Variants in ADCY8 observed in about 807,000 individuals in gnomAD.
ADCY8 encodes the protein adenylate cyclase 8, also known as adenylate cyclase type 8.
A neutral mutation model predicts 119.7 loss-of-function variants in ADCY8; 51 were observed. The observed-to-expected ratio is 0.43, with a 90% confidence interval of 0.34 to 0.54. The LOEUF is 0.54. ADCY8 is among the 20% of genes least tolerant of loss of function. ADCY8 has a pLI of 0.03. For missense variants in ADCY8, 1,383 were observed against 1,598.8 expected, an observed-to-expected ratio of 0.87 and a Z score of 2.30; for synonymous variants, 665 against 651.0, an observed-to-expected ratio of 1.02 and a Z score of -0.33.
rs1445259564 is a variant in ADCY8, at chr8:130,977,338, T to C, written c.1110+13055A>G. On this transcript the variant is annotated intron_variant, in intron 2 of 17. Coordinates refer to ENST00000286355, the MANE Select transcript of ADCY8 (RefSeq NM_001115.3). The stretch of plus-strand genomic sequence containing the variant: ...AATATCAGAATCAACAGAGCTTACT[T>C]GGACAATACTTGTAATACTCATTCA... 2.0e-5 allele frequency among the ~76,000 whole-genome samples: 3 copies of C among 152,250 alleles called. No homozygotes were observed. The East Asian group carries it at 5.8e-4, about 29-fold the overall frequency.
chr8:131,035,330 G>A (rs754884539), intron 1 of ADCY8, among the ~76,000 whole-genome samples: 15 of 152,096 alleles, frequency 9.9e-5, no homozygotes, highest in Non-Finnish European at 1.3e-4. Context: ...AAAGTTTCTC[G>A]GTCTTTCCGA....
At chr8:130,869,152 C>A (rs1231267773) in intron 8 of ADCY8, among the ~76,000 whole-genome samples, 2 of 152,176 alleles carry the variant, frequency 1.3e-5, no homozygotes, top group African/African-American at 2.4e-5. Flanking sequence ...ACAGTTATTG[C>A]TTTTGCAGGG....
intron 11 of ADCY8, among the ~76,000 whole-genome samples, chr8:130,842,461 T>C (rs1006742495): frequency 6.6e-6 from 1 of 152,218 alleles, no homozygotes; most frequent in African/African-American, 2.4e-5. Flanking sequence ...ACTGCTTTTA[T>C]TTTATTATTT....
chr8:130,848,764 T>A (rs993935150), intron 10 of ADCY8, among the ~76,000 whole-genome samples: 1 of 152,192 alleles, frequency 6.6e-6, no homozygotes, highest in Non-Finnish European at 1.5e-5. Context: ...GCCTGAGTCA[T>A]GGACAACACA....
At chr8:130,901,780 T>C (rs185623515) in intron 7 of ADCY8, among the ~76,000 whole-genome samples, 135 of 152,210 alleles carry the variant, frequency 8.9e-4, no homozygotes, top group Non-Finnish European at 1.4e-3. Flanking sequence ...TCAAAATGAA[T>C]TCAGATTTTT....
At position 131,040,282 on chromosome 8, in the gene ADCY8, T is replaced by C. The variant is rs750563461; in HGVS notation, c.52A>G (p.Ile18Val). ...TCGCCGGCCGGGGGCGTCGGGTGGA[T>C]GGTGTAGAGTTCCTCGCTGCCTGTA... ...CLTGSEELYT[I>V]HPTPPAGDGR... Residue 18 changes from isoleucine (I) to valine (V), a missense_variant, in exon 1 of 18, where the codon ATC becomes GTC. Ile to Val is a conservative substitution (Grantham distance 29). Around this residue, in one of 2 missense-constraint regions of ADCY8, gnomAD observed 455 missense variants for 435.3 expected, o/e 1.05. Transcript: ENST00000286355. The C allele has an allele frequency of 1.7e-5, 26 of 1,560,794 alleles. No homozygotes were observed. Among genetic ancestry groups the C allele is most frequent in the Non-Finnish European group, 2.2e-5 (25 of 1,159,430 alleles).
intron 14 of ADCY8, among the ~76,000 whole-genome samples, chr8:130,804,832 C>T (rs1410288143): frequency 6.6e-6 from 1 of 152,162 alleles, no homozygotes; most frequent in Non-Finnish European, 1.5e-5. Context: ...CTGCAACCTC[C>T]ACCTCCTGGG....
chr8:130,842,469 T>A (rs1262225171), intron 11 of ADCY8, among the ~76,000 whole-genome samples: 2 of 152,206 alleles, frequency 1.3e-5, no homozygotes, highest in Non-Finnish European at 2.9e-5. Flanking sequence ...TATTTTATTA[T>A]TTTTTAATTT....
intron 1 of ADCY8, among the ~76,000 whole-genome samples, chr8:131,009,685 T>C (rs551740103): frequency 1.3e-5 from 2 of 152,232 alleles, no homozygotes; most frequent in African/African-American, 4.8e-5. Context: ...AACTATACTA[T>C]GCTGTAAAGA....
Position 131,040,314 on chromosome 8 carries a change from C to A in ADCY8, c.20G>T (p.Arg7Leu), listed in dbSNP as rs866174887. The change falls in exon 1 of 18, where the codon CGC becomes CTC. Residue 7 changes from arginine (R) to leucine (L), a missense_variant. Physicochemically the swap from Arg to Leu is moderately radical, Grantham distance 102. Transcript: ENST00000286355. MELSDV[R>L]CLTGSEELYT... is the part of the protein sequence containing the mutation. ...GAGTTCCTCGCTGCCTGTAAGGCAG[C>A]GCACATCGGAGAGCTCCATGGCTCT... The A allele has an allele frequency of 6.5e-7, 1 of 1,535,186 alleles. No individual in the cohort carries two copies.
At chr8:131,019,843 G>GTCTCTCTCTCTCTCTC (rs71306306) in intron 1 of ADCY8, among the ~76,000 whole-genome samples, 1 of 86,884 alleles carries the variant, frequency 1.2e-5, no homozygotes, top group Non-Finnish European at 2.3e-5. Flanking sequence ...CTCTCTGTCT[G>GTCTCTCTCTCTCTCTC]TCTCTCTCTC....
intron 14 of ADCY8, among the ~76,000 whole-genome samples, chr8:130,801,199 C>T (rs1484167109): frequency 6.6e-6 from 1 of 152,120 alleles, no homozygotes; most frequent in Non-Finnish European, 1.5e-5. Context: ...TCTTGGTAAG[C>T]TTCCTTTTCT....
chr8:130,898,593 G>T (rs1563719350), intron 7 of ADCY8, among the ~76,000 whole-genome samples: 2 of 152,172 alleles, frequency 1.3e-5, no homozygotes, highest in African/African-American at 4.8e-5. Flanking sequence ...ACAGAAACAT[G>T]CCTGGATTCT....
intron 2 of ADCY8, among the ~76,000 whole-genome samples, chr8:130,968,320 C>T (rs1368588917): frequency 6.6e-6 from 1 of 152,090 alleles, no homozygotes; most frequent in Non-Finnish European, 1.5e-5. Flanking sequence ...CAGGCGCCCA[C>T]CACCATGCCT....
chr8:130,924,615 T>C (rs1270670220), intron 5 of ADCY8, among the ~76,000 whole-genome samples: 1 of 152,120 alleles, frequency 6.6e-6, no homozygotes, highest in Non-Finnish European at 1.5e-5. Flanking sequence ...CACCGTACCA[T>C]CCCTACTGGA....
chr8:130,869,941 C>CCTG (rs2130400911), intron 8 of ADCY8, among the ~76,000 whole-genome samples: 1 of 119,390 alleles, frequency 8.4e-6, no homozygotes, highest in South Asian at 2.7e-4. Context: ...TCCTCCTCCT[C>CCTG]TTCTTCTTCT....
chr8:130,825,387 A>T (rs2130218690), intron 12 of ADCY8, among the ~76,000 whole-genome samples: 1 of 152,312 alleles, frequency 6.6e-6, no homozygotes, highest in East Asian at 1.9e-4. Context: ...GTCTGTTTTC[A>T]TGATTGGGTA....
Position 131,039,869 on chromosome 8 carries a change from G to A in ADCY8, c.465C>T (p.Pro155=). 6.2e-7 allele frequency: 1 copy of A among 1,614,084 alleles called. No individual in the cohort carries two copies. The highest frequency in any genetic ancestry group is 8.5e-7 in the Non-Finnish European group (1 of 1,179,974). The change falls in exon 1 of 18, where the codon CCC becomes CCT. Residue 155 remains proline (P), a synonymous_variant. Transcript: ENST00000286355. ...GGYSYRGVIF[P]TLRNSFKSRD... ...GAGATTTGAAGGAGTTGCGCAGGGT[G>A]GGGAAAATGACCCCTCGGTAGCTAT...
intron 2 of ADCY8, among the ~76,000 whole-genome samples, chr8:130,959,610 A>T (rs1022862957): frequency 6.6e-6 from 1 of 152,250 alleles, no homozygotes; most frequent in African/African-American, 2.4e-5. Flanking sequence ...GTAACAAGTT[A>T]TGTGAAAGAG....
Sources: allele counts gnomAD v4.1 joint callset (sites outside exome capture counted in the v4.1 genomes callset), GRCh38; gene constraint gnomAD v4.1.1; regional missense constraint gnomAD v4.1.1; transcripts MANE v1.5; gene names NCBI Gene and HGNC (gene_info 2026-07-23, HGNC 2026-07-21).